Variants in YBX3 observed in about 807,000 individuals in gnomAD.
The protein encoded by YBX3 is Y-box-binding protein 3.
In YBX3, 29 loss-of-function variants were observed where a neutral mutation model predicts 42.4. The observed-to-expected ratio is 0.68, with a 90% CI of 0.51 to 0.93. The LOEUF (loss-of-function observed/expected upper bound fraction) is 0.93. Ranked by LOEUF, YBX3 falls within the 40% of genes least tolerant of loss-of-function variation. The probability of loss-of-function intolerance (pLI) is 0.00; values close to 1 mark genes in which losing one functional copy is unlikely to be tolerated. For missense variants in YBX3, 517 were observed against 527.5 expected (o/e 0.98, Z 0.19); for synonymous variants, 195 against 189.8 (o/e 1.03, Z -0.22).
intron 8 of YBX3, 148 bp from the exon 9 acceptor site, chr12:10,701,501 G>C (rs768363403): frequency 1.6e-6 from 1 of 633,626 alleles, no homozygotes; most frequent in Non-Finnish European, 2.8e-6. Flanking sequence ...TCACAAATTA[G>C]TACCATATTC....
At chr12:10,713,113 C>A in intron 5 of YBX3, 98 bp downstream of exon 5, 1 of 1,332,750 alleles carries the variant, frequency 7.5e-7, no homozygotes, top group South Asian at 2.0e-5. Flanking sequence ...CATTTGTCTC[C>A]AGGAGAAGAC....
At chr12:10,700,741 G>C (rs1426560474) in intron 9 of YBX3, among the ~76,000 whole-genome samples, 2 of 152,098 alleles carry the variant, frequency 1.3e-5, no homozygotes, top group Non-Finnish European at 2.9e-5. Context: ...AACTGCTCAA[G>C]ATCACCCAGC....
In YBX3 at chr12:10,704,135, C is replaced by T. The variant is rs375433594; in HGVS notation, c.794G>A (p.Gly265Glu). Reference sequence around the variant, plus strand: ...CTCTGGGACTCCATCCTTCATCTCTCCAATCTCACCAGCCTGGAGAGGCAA... The same window carrying T: ...CTCTGGGACTCCATCCTTCATCTCTTCAATCTCACCAGCCTGGAGAGGCAA... Reference protein sequence around the residue: ...HPNRIQAGEIGEMKDGVPEGA... With the variant: ...HPNRIQAGEIEEMKDGVPEGA... Residue 265 changes from glycine (G) to glutamate (E), a missense_variant, in exon 7 of 10, where the codon GGA (glycine) becomes GAA (glutamate). Gly to Glu is a moderately conservative substitution (Grantham distance 98). Transcript: ENST00000228251. 37 of 1,614,210 alleles carry T rather than the reference C, an allele frequency of 2.3e-5. 1 individual carries two copies. In the Middle Eastern group the frequency reaches 1.3e-3, roughly 58 times the overall value.
intron 1 of YBX3, among the ~76,000 whole-genome samples, chr12:10,721,103 G>C (rs1948319634): frequency 6.6e-6 from 1 of 152,190 alleles, no homozygotes; most frequent in Non-Finnish European, 1.5e-5. Flanking sequence ...ATTGTGCCTA[G>C]TACATCTTAG....
chr12:10,718,005 G>A (rs75680390), intron 3 of YBX3, 83 bp downstream of exon 3: 8 of 1,179,914 alleles, frequency 6.8e-6, no homozygotes, highest in Non-Finnish European at 9.7e-6. Flanking sequence ...ATAATCCATA[G>A]GACTTACTTT....
intron 6 of YBX3, among the ~76,000 whole-genome samples, chr12:10,707,019 A>AAAATAAATAAAT (rs139588933): frequency 0.095 from 14,173 of 149,426 alleles, 742 homozygotes; most frequent in African/African-American, 0.13. Context: ...TCCATCTCAA[A>AAAATAAATAAAT]AAATAAATAA....
chr12:10,715,229 T>C (rs191995633), intron 4 of YBX3, among the ~76,000 whole-genome samples: 14 of 152,260 alleles, frequency 9.2e-5, no homozygotes, highest in Admixed American at 6.5e-4. Context: ...TATTGCAGAA[T>C]GTTTATAATG....
intron 6 of YBX3, among the ~76,000 whole-genome samples, chr12:10,705,380 A>G (rs1443954373): frequency 1.3e-5 from 2 of 152,206 alleles, no homozygotes; most frequent in Non-Finnish European, 2.9e-5. Context: ...GGCATGAGCC[A>G]CCACGTTGGT....
chr12:10,704,183 C>A, intron 6 of YBX3, 35 bp from the exon 7 acceptor site: 1 of 1,574,402 alleles, frequency 6.4e-7, no homozygotes, highest in Admixed American at 1.7e-5. Context: ...GTGAGTGTCA[C>A]AGCACAGGGG....
chr12:10,708,170 G>A (rs1258935917), intron 6 of YBX3, among the ~76,000 whole-genome samples: 1 of 152,076 alleles, frequency 6.6e-6, no homozygotes, highest in Admixed American at 6.5e-5. Context: ...AAGACAACAA[G>A]CACATAGTAG....
At chr12:10,701,143 T>C in intron 9 of YBX3, 111 bp downstream of exon 9, 1 of 636,928 alleles carries the variant, frequency 1.6e-6, no homozygotes, top group Non-Finnish European at 2.8e-6. Flanking sequence ...AGACAAGGGG[T>C]TGGCACAGAT....
intron 1 of YBX3, chr12:10,720,927 T>C (rs750936177): frequency 4.6e-5 from 7 of 152,192 alleles, no homozygotes; most frequent in Non-Finnish European, 1.0e-4. Context: ...ACCCACTTCA[T>C]ATACACTAAG....
chr12:10,715,746 C>T lies in YBX3; in HGVS notation c.398G>A (p.Arg133His), dbSNP rs373340462. The T allele has an allele frequency of 2.3e-5, 37 of 1,613,902 alleles. No homozygotes were observed. Among genetic ancestry groups the T allele is most frequent in the Admixed American group, 6.7e-5 (4 of 59,990 alleles). ...IKKNNPRKYL[R>H]SVGDGETVEF... is the part of the protein sequence containing the mutation. ...TACAGTTTCTCCATCTCCTACACTGCGCAGATATTTCCGTGGGTTATTCTT... is the reference window on the plus strand; with the variant it reads ...TACAGTTTCTCCATCTCCTACACTGTGCAGATATTTCCGTGGGTTATTCTT... The change falls in exon 4 of 10, where the codon CGC (arginine) becomes CAC (histidine). Residue 133 changes from arginine to histidine, a missense_variant. Transcript: ENST00000228251.
At chr12:10,703,550 T>C in intron 7 of YBX3, 1 of 439,308 alleles carries the variant, frequency 2.3e-6, no homozygotes, top group Non-Finnish European at 4.5e-6. Flanking sequence ...AGAATATCTC[T>C]TTGTTTTCAG....
At chr12:10,706,778 G>C (rs1389035804) in intron 6 of YBX3, among the ~76,000 whole-genome samples, 2 of 151,946 alleles carry the variant, frequency 1.3e-5, no homozygotes, top group Admixed American at 1.3e-4. Context: ...AGCACTTTGG[G>C]AGGCCAAGGC....
At chr12:10,702,950 A>G (rs1356371729) in intron 7 of YBX3, 1 of 152,228 alleles carries the variant, frequency 6.6e-6, no homozygotes, top group Non-Finnish European at 1.5e-5. Context: ...GCTGAGCTAT[A>G]TAAAAGTGCT....
At chr12:10,710,495 G>C in intron 5 of YBX3, 2 of 1,189,602 alleles carry the variant, frequency 1.7e-6, no homozygotes, top group Non-Finnish European at 2.1e-6. Context: ...CAATGTCAGG[G>C]AAAAGCCAAA....
intron 7 of YBX3, 139 bp from the exon 8 acceptor site, chr12:10,702,273 C>A (rs1211258553): frequency 1.5e-5 from 12 of 800,164 alleles, no homozygotes; most frequent in Non-Finnish European, 2.2e-5. Flanking sequence ...GTAATCCCAG[C>A]ACTTCAGGAG....
At chr12:10,717,391 T>C (rs1948274759) in intron 3 of YBX3, among the ~76,000 whole-genome samples, 1 of 152,224 alleles carries the variant, frequency 6.6e-6, no homozygotes, top group Admixed American at 6.5e-5. Flanking sequence ...ACACTAAGGA[T>C]AGTATTCCTT....
Sources: gnomAD v4.1 joint callset for allele counts (sites outside exome capture counted in the v4.1 genomes callset) on GRCh38, gnomAD v4.1.1 for gene constraint, MANE v1.5 for transcripts, NCBI Gene and HGNC (gene_info 2026-07-23, HGNC 2026-07-21) for gene names.